The following ACSL3 variants were observed in gnomAD, a reference collection of about 807,000 sequenced individuals.
The protein encoded by ACSL3 is fatty acid CoA ligase Acsl3.
Under a neutral mutation model 84.7 loss-of-function variants are expected in ACSL3, and 34 were observed. The ratio of observed to expected loss-of-function variants is 0.40; its 90% confidence interval spans 0.31 to 0.53. The LOEUF (loss-of-function observed/expected upper bound fraction) is 0.53. Among genes scored for constraint, ACSL3 ranks in the 20% least tolerant of loss-of-function variants. ACSL3 has a pLI of 0.48. For missense variants in ACSL3, 680 were observed against 873.1 expected (o/e 0.78, Z 2.79); for synonymous variants, 315 against 299.4 (o/e 1.05, Z -0.54).
At position 222,874,553 on chromosome 2, in the gene ACSL3, G is replaced by A. The variant is rs146305632; in HGVS notation, c.-206-13277G>A. Among the ~76,000 whole-genome samples the A allele has an allele frequency of 5.1e-3, 774 of 151,774 alleles. 8 individuals carry two copies. Among genetic ancestry groups the A allele is most frequent in the African/African-American group, 0.018 (736 of 41,334 alleles). On this transcript the variant is annotated intron_variant, in intron 1 of 16. Transcript: ENST00000357430. ...AAAAATAATAAAAAATACTAACTGA[G>A]TTGGGTGCTGTGGTTCCGGCTGCTT...
At chr2:222,939,758 G>A (rs78226200) in intron 16 of ACSL3, among the ~76,000 whole-genome samples, 1,626 of 152,134 alleles carry the variant, frequency 0.011, 15 homozygotes, top group African/African-American at 0.024. Flanking sequence ...GTGGTTTCTG[G>A]GTTTCTTACA....
chr2:222,888,309 A>G (rs1695768784), intron 2 of ACSL3, among the ~76,000 whole-genome samples: 1 of 152,208 alleles, frequency 6.6e-6, no homozygotes, highest in Non-Finnish European at 1.5e-5. Context: ...CTGCATGGTT[A>G]TTACAGTTGT....
At chr2:222,866,434 C>T (rs1317521669) in intron 1 of ACSL3, among the ~76,000 whole-genome samples, 1 of 152,210 alleles carries the variant, frequency 6.6e-6, no homozygotes, top group Non-Finnish European at 1.5e-5. Flanking sequence ...CTGGGAGCTA[C>T]TGCGCTGACT....
At chr2:222,867,854 T>G (rs1241939988) in intron 1 of ACSL3, among the ~76,000 whole-genome samples, 1 of 152,166 alleles carries the variant, frequency 6.6e-6, no homozygotes, top group East Asian at 1.9e-4. Context: ...GGCCTTCCTC[T>G]AATCGTTTCA....
At chr2:222,916,250 C>A in intron 4 of ACSL3, 69 bp from the exon 5 acceptor site, 2 of 1,044,684 alleles carry the variant, frequency 1.9e-6, no homozygotes, top group Non-Finnish European at 1.3e-6. Context: ...AACATTTGGA[C>A]GATATTCTGG....
At chr2:222,907,243 C>G (rs1465929799) in intron 3 of ACSL3, among the ~76,000 whole-genome samples, 1 of 152,160 alleles carries the variant, frequency 6.6e-6, no homozygotes, top group Non-Finnish European at 1.5e-5. Flanking sequence ...CCTGATGCAT[C>G]TGGGGTAGAG....
At chr2:222,901,625 C>T (rs2106111662) in intron 3 of ACSL3, among the ~76,000 whole-genome samples, 1 of 152,156 alleles carries the variant, frequency 6.6e-6, no homozygotes, top group East Asian at 1.9e-4. Flanking sequence ...TTAAGCTAAC[C>T]TTAGATTTAA....
chr2:222,914,902 C>T (rs1696535130), intron 4 of ACSL3, among the ~76,000 whole-genome samples: 2 of 152,088 alleles, frequency 1.3e-5, no homozygotes, highest in Admixed American at 6.5e-5. Context: ...ATTCAGATTT[C>T]GTTTTATATT....
intron 1 of ACSL3, among the ~76,000 whole-genome samples, chr2:222,874,571 G>A (rs544019999): frequency 6.6e-6 from 1 of 151,710 alleles, no homozygotes; most frequent in African/African-American, 2.4e-5. Context: ...CTGTGGTTCC[G>A]GCTGCTTGGG....
At chr2:222,915,737 C>T (rs879255978) in intron 4 of ACSL3, among the ~76,000 whole-genome samples, 2 of 152,184 alleles carry the variant, frequency 1.3e-5, no homozygotes, top group Non-Finnish European at 2.9e-5. Flanking sequence ...TATAACTAGT[C>T]CACCTGGTTA....
intron 4 of ACSL3, among the ~76,000 whole-genome samples, chr2:222,911,437 T>C (rs1026446367): frequency 6.6e-6 from 1 of 152,244 alleles, no homozygotes; most frequent in African/African-American, 2.4e-5. Flanking sequence ...TACATTTTTA[T>C]GTGCAAAAGT....
intron 1 of ACSL3, among the ~76,000 whole-genome samples, chr2:222,863,496 C>T (rs1695063113): frequency 6.6e-6 from 1 of 152,208 alleles, no homozygotes; most frequent in Admixed American, 6.5e-5. Context: ...TGTCTGCCTT[C>T]AGGGTACTTA....
intron 5 of ACSL3, among the ~76,000 whole-genome samples, chr2:222,916,976 G>T (rs1696600072): frequency 6.6e-6 from 1 of 152,130 alleles, no homozygotes; most frequent in Admixed American, 6.5e-5. Flanking sequence ...GGAAGCATAA[G>T]TTCAGAGGTC....
intron 15 of ACSL3, 153 bp downstream of exon 15, chr2:222,933,433 T>C: frequency 1.8e-6 from 1 of 549,836 alleles, no homozygotes; most frequent in Non-Finnish European, 3.2e-6. Flanking sequence ...AGCCATTAGC[T>C]GACTCTTTTC....
intron 12 of ACSL3, among the ~76,000 whole-genome samples, 156 bp from the exon 13 acceptor site, chr2:222,928,706 C>G (rs376618278): frequency 6.6e-6 from 1 of 151,214 alleles, no homozygotes; most frequent in South Asian, 2.1e-4. Flanking sequence ...CTACAGGCCT[C>G]ACGGCCTGTG....
At chr2:222,879,920 G>A (rs1374042107) in intron 1 of ACSL3, among the ~76,000 whole-genome samples, 1 of 151,192 alleles carries the variant, frequency 6.6e-6, no homozygotes, top group Admixed American at 6.6e-5. Context: ...TCTATTTATG[G>A]AATATGGGAG....
At chr2:222,900,420 C>T (rs1018330894) in intron 2 of ACSL3, among the ~76,000 whole-genome samples, 1 of 152,180 alleles carries the variant, frequency 6.6e-6, no homozygotes, top group African/African-American at 2.4e-5. Context: ...TCATCCTTCT[C>T]TTTATGGCTC....
chr2:222,911,291 C>T (rs1239281515), intron 4 of ACSL3, among the ~76,000 whole-genome samples: 2 of 152,096 alleles, frequency 1.3e-5, no homozygotes, highest in South Asian at 2.1e-4. Context: ...TCAGGTGATC[C>T]GCCCACCTCG....
intron 10 of ACSL3, among the ~76,000 whole-genome samples, chr2:222,924,212 T>A (rs1184135302): frequency 6.6e-6 from 1 of 152,236 alleles, no homozygotes; most frequent in Non-Finnish European, 1.5e-5. Flanking sequence ...TTTTAAAAAT[T>A]ATTTTTGTGG....
Sources: allele counts gnomAD v4.1 joint callset (sites outside exome capture counted in the v4.1 genomes callset), GRCh38; gene constraint gnomAD v4.1.1; transcripts MANE v1.5; gene names NCBI Gene and HGNC (gene_info 2026-07-23, HGNC 2026-07-21).